Variants in CCDC12 observed in about 807,000 individuals in gnomAD.
The protein encoded by CCDC12 is coiled-coil domain-containing protein 12.
CCDC12 carries 28 observed loss-of-function variants against 25.7 expected under a neutral mutation model. The ratio of observed to expected loss-of-function variants is 1.09; its 90% CI spans 0.81 to 1.50. The LOEUF (loss-of-function observed/expected upper bound fraction) is 1.50. Among genes scored for constraint, CCDC12 ranks in the 40% most tolerant of loss-of-function variants. CCDC12 has a pLI of 0.00. For missense variants in CCDC12, 198 were observed against 210.0 expected (o/e 0.94, Z 0.35); for synonymous variants, 75 against 87.7 (o/e 0.86, Z 0.81).
intron 1 of CCDC12, among the ~76,000 whole-genome samples, chr3:46,963,628 G>C (rs558580795): frequency 1.3e-5 from 2 of 152,222 alleles, no homozygotes; most frequent in Non-Finnish European, 2.9e-5. Flanking sequence ...ACTGGTTTTC[G>C]TATTTTTTTG....
chr3:46,955,568 C>T (rs930853910), intron 1 of CCDC12, among the ~76,000 whole-genome samples: 24 of 152,028 alleles, frequency 1.6e-4, no homozygotes, highest in African/African-American at 4.1e-4. Flanking sequence ...CTAGAAGGAG[C>T]GGGTGTGTCC....
intron 1 of CCDC12, among the ~76,000 whole-genome samples, chr3:46,956,909 GGGGA>G (rs2034306736): frequency 6.6e-6 from 1 of 152,100 alleles, no homozygotes; most frequent in African/African-American, 2.4e-5. Context: ...AGCAAGAGAA[GGGGA>G]GAAGCCAGGG....
intron 1 of CCDC12, among the ~76,000 whole-genome samples, chr3:46,955,877 G>C (rs2034275179): frequency 6.6e-6 from 1 of 152,192 alleles, no homozygotes; most frequent in Non-Finnish European, 1.5e-5. Flanking sequence ...CTGCCATGTG[G>C]TACTTGCTCA....
At chr3:46,957,948 T>TA (rs1295384884) in intron 1 of CCDC12, among the ~76,000 whole-genome samples, 1 of 96,386 alleles carries the variant, frequency 1.0e-5, no homozygotes, top group African/African-American at 3.6e-5. Flanking sequence ...ATCTCAAAAA[T>TA]AAAAAAATAA....
At chr3:46,959,290 A>T (rs1396030159) in intron 1 of CCDC12, among the ~76,000 whole-genome samples, 1 of 152,188 alleles carries the variant, frequency 6.6e-6, no homozygotes, top group African/African-American at 2.4e-5. Context: ...ACCCAGCACT[A>T]ACAACTGTGT....
intron 2 of CCDC12, among the ~76,000 whole-genome samples, chr3:46,929,580 G>A (rs1199778905): frequency 2.0e-5 from 3 of 152,192 alleles, no homozygotes; most frequent in Non-Finnish European, 4.4e-5. Flanking sequence ...ACCTTTCTGA[G>A]GACAACTGGA....
intron 3 of CCDC12, chr3:46,924,815 CAAAAT>C (rs761981880): frequency 4.5e-5 from 7 of 154,182 alleles, no homozygotes; most frequent in South Asian, 1.9e-4. Flanking sequence ...GACTCCATCT[CAAAAT>C]AAAATAAAAT....
intron 2 of CCDC12, among the ~76,000 whole-genome samples, chr3:46,940,121 C>G (rs1263293852): frequency 2.6e-5 from 4 of 152,240 alleles, no homozygotes; most frequent in Admixed American, 2.0e-4. Context: ...ACCTCTGGAA[C>G]TGCTGACACG....
intron 2 of CCDC12, among the ~76,000 whole-genome samples, chr3:46,929,972 A>T (rs1393084378): frequency 3.7e-5 from 5 of 135,202 alleles, no homozygotes; most frequent in Admixed American, 8.4e-5. Flanking sequence ...CAGAGGTTGC[A>T]GTGAGCCGAG....
rs1270270511 is a variant in CCDC12, at chr3:46,973,590, T to C, written c.96+3047A>G. ...TAAAGCAGATACTCAAACAGGTATC[T>C]GTACTCCCATGTTTCTTCTTTTCTT... On this transcript the variant is annotated intron_variant, in intron 1 of 6. Coordinates refer to ENST00000683445, the MANE Select transcript of CCDC12 (RefSeq NM_001277074.2). Among the ~76,000 whole-genome samples, 5 of 150,360 alleles carry C rather than the reference T, an allele frequency of 3.3e-5. 1 individual carries two copies. In the East Asian group the frequency reaches 9.8e-4, roughly 29 times the overall value.
chr3:46,981,444 A>C (rs2035330313), upstream of CCDC12, among the ~76,000 whole-genome samples: 1 of 151,876 alleles, frequency 6.6e-6, no homozygotes, highest in African/African-American at 2.4e-5. Context: ...CCGTCTCAAA[A>C]AAATAAAATA....
chr3:46,975,601 G>A (rs2034950329), intron 1 of CCDC12, among the ~76,000 whole-genome samples: 1 of 143,460 alleles, frequency 7.0e-6, no homozygotes, highest in Non-Finnish European at 1.5e-5. Flanking sequence ...CAGGATCTCG[G>A]CTCACTGCAA....
intron 1 of CCDC12, among the ~76,000 whole-genome samples, chr3:46,971,493 G>A (rs940978539): frequency 2.0e-5 from 3 of 152,232 alleles, no homozygotes. Context: ...GGCTGACCAG[G>A]ACGTCTTTGT....
chr3:46,948,844 AT>A (rs1334847169), intron 1 of CCDC12, among the ~76,000 whole-genome samples: 1 of 152,122 alleles, frequency 6.6e-6, no homozygotes, highest in Non-Finnish European at 1.5e-5. Context: ...CTCTGATCCT[AT>A]TCTTGCTGCA....
intron 1 of CCDC12, among the ~76,000 whole-genome samples, chr3:46,957,814 G>A (rs983032264): frequency 2.0e-5 from 3 of 151,436 alleles, no homozygotes; most frequent in Non-Finnish European, 4.4e-5. Context: ...ATGGTGGCAG[G>A]CGCCTGTAAT....
Position 46,976,742 on chromosome 3 carries a change from G to A in CCDC12, c.-10C>T. The A allele has an allele frequency of 2.5e-6, 4 of 1,600,468 alleles. No homozygotes were observed. The highest frequency in any genetic ancestry group is 1.7e-4 in the Middle Eastern group (1 of 6,050). On this transcript the variant is annotated 5_prime_UTR_variant, in exon 1 of 7. The change creates a new upstream start codon in the 5' untranslated region. Transcript: ENST00000683445. The stretch of plus-strand genomic sequence containing the variant: ...CCGTAGTTGCCTCCATCTTGCCCGC[G>A]TACGCCCCTCCTTTTCTCCCGTCTT...
chr3:46,946,802 G>A (rs1201221831), intron 1 of CCDC12, among the ~76,000 whole-genome samples: 1 of 152,226 alleles, frequency 6.6e-6, no homozygotes, highest in African/African-American at 2.4e-5. Context: ...GCTGGGAACT[G>A]TCACTGGGGG....
intron 2 of CCDC12, chr3:46,940,793 A>G: frequency 1.7e-6 from 1 of 595,986 alleles, no homozygotes; most frequent in Non-Finnish European, 3.0e-6. Flanking sequence ...AGCCAAATGG[A>G]AAATGAGGGA....
rs1189727689 is a variant in CCDC12, at chr3:46,941,074, A to G, written c.97-9T>C. 3.7e-6 allele frequency: 6 copies of G among 1,614,068 alleles called. No individual in the cohort carries two copies. The highest frequency in any genetic ancestry group is 8.5e-7 in the Non-Finnish European group (1 of 1,179,966). ...TCCCCATCTTCCTTGTCCTGCAAAG[A>G]AAGGGAGAAAACCACCAGCTCAGTT... On this transcript the variant is annotated splice_polypyrimidine_tract_variant and intron_variant, in intron 1 of 6. Coordinates refer to ENST00000683445, the MANE Select transcript of CCDC12 (RefSeq NM_001277074.2).
Sources: allele counts gnomAD v4.1 joint callset (sites outside exome capture counted in the v4.1 genomes callset), GRCh38; gene constraint gnomAD v4.1.1; transcripts MANE v1.5; gene names NCBI Gene and HGNC (gene_info 2026-07-23, HGNC 2026-07-21).